The following ZNF117 variants were observed in gnomAD, a reference collection of about 807,000 sequenced individuals.
ZNF117 encodes the protein zinc finger protein 117.
A neutral mutation model predicts 41.2 loss-of-function variants in ZNF117; 37 were observed. The ratio of observed to expected loss-of-function variants is 0.90; its 90% CI spans 0.69 to 1.18. The LOEUF (loss-of-function observed/expected upper bound fraction) is 1.18, where lower values mean the gene tolerates loss of function less well. Among genes scored for constraint, ZNF117 ranks in the 50% most tolerant of loss-of-function variants. The pLI, the probability that ZNF117 is intolerant of heterozygous loss-of-function variation, is 0.00. For synonymous variants in ZNF117, 186 were observed against 186.6 expected, an observed-to-expected ratio of 1.00 and a Z score of 0.02; for missense variants, 546 against 557.5, an observed-to-expected ratio of 0.98 and a Z score of 0.21.
upstream of ZNF117, among the ~76,000 whole-genome samples, chr7:64,984,177 G>C (rs1786088364): frequency 6.6e-6 from 1 of 152,052 alleles, no homozygotes; most frequent in Non-Finnish European, 1.5e-5. Flanking sequence ...TGTCATCCAG[G>C]CTGGAGTGTA....
upstream of ZNF117, among the ~76,000 whole-genome samples, chr7:64,986,289 T>C (rs1032417705): frequency 1.3e-5 from 2 of 152,166 alleles, no homozygotes; most frequent in Admixed American, 6.5e-5. Flanking sequence ...CAAGAAAATT[T>C]TGGGGGCTCC....
chr7:64,973,746 CATA>C (rs1562980994), downstream of ZNF117: 1 of 151,690 alleles, frequency 6.6e-6, no homozygotes, highest in African/African-American at 2.4e-5. Context: ...ACAGAAGTCA[CATA>C]ATAAGACAAA....
chr7:64,984,055 C>G (rs376802671), upstream of ZNF117, among the ~76,000 whole-genome samples: 1 of 152,190 alleles, frequency 6.6e-6, no homozygotes, highest in East Asian at 1.9e-4. Flanking sequence ...TAAGGATTCT[C>G]TTCCATCTCT....
chr7:64,981,442 C>A (rs780813170), exon 2 of ZNF117: 1 of 1,612,812 alleles, frequency 6.2e-7, no homozygotes, highest in Admixed American at 1.7e-5. Context: ...CTTTTCCTTG[C>A]TCCAGACAGG....
At chr7:64,979,228 G>A (rs1252683752) in exon 3 of ZNF117, 18 of 1,608,818 alleles carry the variant, frequency 1.1e-5, no homozygotes, top group Middle Eastern at 1.7e-4. Context: ...AATGTTTTGC[G>A]ACATTCTTTA....
At chr7:64,972,078 T>C (rs939596715), downstream of ZNF117, 2 of 152,032 alleles carry the variant, frequency 1.3e-5, no homozygotes, top group Non-Finnish European at 2.9e-5. Context: ...TAAAAAATGC[T>C]CAATATCAAC....
intron 1 of ZNF117, among the ~76,000 whole-genome samples, chr7:64,989,498 T>TAA (rs1562649487): frequency 3.4e-4 from 26 of 76,824 alleles, no homozygotes; most frequent in African/African-American, 8.4e-4. Context: ...TATATATATA[T>TAA]AAAACCTGAA....
At chr7:64,978,507 T>C (rs959307841) in exon 3 of ZNF117, 3 of 1,613,352 alleles carry the variant, frequency 1.9e-6, no homozygotes, top group Non-Finnish European at 1.7e-6. Flanking sequence ...CTCTCCAGTA[T>C]GAATTACCTT....
upstream of ZNF117, among the ~76,000 whole-genome samples, chr7:64,984,887 T>C (rs1420904413): frequency 6.6e-6 from 1 of 152,110 alleles, no homozygotes; most frequent in East Asian, 1.9e-4. Flanking sequence ...GCCTCCCAGG[T>C]TCAAGCGATT....
In ZNF117 at chr7:64,978,604, GGTCA is replaced by G. The variant is rs535488637; in HGVS notation, c.963_966del (p.Asp322IlefsTer31). 3.5e-4 allele frequency: 567 copies of G among 1,612,282 alleles called. 5 individuals are homozygous for G. The highest frequency in any genetic ancestry group is 3.4e-3 in the South Asian group (306 of 91,016). On this transcript the variant is annotated frameshift_variant, in exon 3 of 3. Transcript: ENST00000620222. LOFTEE classifies it high-confidence loss of function. ...TTCTCTCCAGTATGAATTTTTTTATGGTCAGTAAGATTTGAAAATTGTTTAAAAG... is the reference window on the plus strand; with the variant it reads ...TTCTCTCCAGTATGAATTTTTTTATGGTAAGATTTGAAAATTGTTTAAAAG...
At chr7:64,972,540 C>G (rs1391905128), downstream of ZNF117, 1 of 151,832 alleles carries the variant, frequency 6.6e-6, no homozygotes, top group Non-Finnish European at 1.5e-5. Context: ...GAGCCAGACA[C>G]AAAGATTATT....
exon 3 of ZNF117, chr7:64,975,105 GTTA>G (rs1018930206): frequency 3.3e-5 from 5 of 151,932 alleles, no homozygotes; most frequent in African/African-American, 1.2e-4. Context: ...AGTCCACTCT[GTTA>G]TTAAATAGTA....
upstream of ZNF117, among the ~76,000 whole-genome samples, chr7:64,982,614 C>T (rs1490894787): frequency 6.6e-6 from 1 of 152,020 alleles, no homozygotes; most frequent in East Asian, 1.9e-4. Flanking sequence ...ATGTTTTTGG[C>T]CCAAGAAGAG....
exon 3 of ZNF117, chr7:64,978,906 T>C: frequency 1.9e-6 from 3 of 1,613,580 alleles, no homozygotes; most frequent in Non-Finnish European, 1.7e-6. Context: ...TTTCTCACAT[T>C]TGTAGGGAAT....
intron 1 of ZNF117, among the ~76,000 whole-genome samples, chr7:64,989,117 C>A (rs1786196714): frequency 6.7e-6 from 1 of 149,734 alleles, no homozygotes. Context: ...ATAGAACTAA[C>A]AAAGAGCCCG....
At chr7:64,989,401 T>C (rs1228926245) in intron 1 of ZNF117, among the ~76,000 whole-genome samples, 1 of 132,964 alleles carries the variant, frequency 7.5e-6, no homozygotes, top group Non-Finnish European at 1.6e-5. Context: ...TATATAAAAA[T>C]CAATTCAAGA....
At chr7:64,978,464 G>C (rs1217513589) in exon 3 of ZNF117, 2 of 1,596,040 alleles carry the variant, frequency 1.3e-6, no homozygotes, top group Non-Finnish European at 1.7e-6. Context: ...ACTGGTTAAA[G>C]GCTTTGCCAC....
At chr7:64,981,256 A>G (rs186446467) in intron 2 of ZNF117, 131 bp downstream of exon 3, 3 of 1,099,514 alleles carry the variant, frequency 2.7e-6, no homozygotes, top group South Asian at 2.8e-5. Flanking sequence ...AGAGAAAAAT[A>G]AAAAAAAACT....
At chr7:64,980,313 T>C (rs1453260062) in intron 2 of ZNF117, 3 of 151,996 alleles carry the variant, frequency 2.0e-5, no homozygotes, top group Admixed American at 1.3e-4. Context: ...TTACAATGCA[T>C]ACAAAATTTT....
Sources: allele counts gnomAD v4.1 joint callset (sites outside exome capture counted in the v4.1 genomes callset), GRCh38; gene constraint gnomAD v4.1.1; transcripts MANE v1.5; gene names NCBI Gene and HGNC (gene_info 2026-07-23, HGNC 2026-07-21).